POTEI: variants seen among roughly 807,000 people sequenced by gnomAD.
The protein encoded by POTEI is POTE ankyrin domain family member I.
POTEI carries 14 observed loss-of-function variants against 43.4 expected under a neutral mutation model. The ratio of observed to expected loss-of-function variants is 0.32; its 90% CI spans 0.21 to 0.50. POTEI has a LOEUF of 0.50. Among genes scored for constraint, POTEI ranks in the 20% least tolerant of loss-of-function variants. The pLI, the probability that POTEI is intolerant of heterozygous loss-of-function variation, is 0.98. For missense variants in POTEI, 235 were observed against 795.4 expected, an observed-to-expected ratio of 0.30 and a Z score of 8.47; for synonymous variants, 95 against 297.9, an observed-to-expected ratio of 0.32 and a Z score of 7.01.
chr2:130,507,476 C>T, intron 1 of POTEI, among the ~76,000 whole-genome samples: 1 of 72,888 alleles, frequency 1.4e-5, no homozygotes, highest in Non-Finnish European at 2.5e-5. Context: ...GTATGTTTCT[C>T]CTTTTGTATG....
intron 6 of POTEI, among the ~76,000 whole-genome samples, chr2:130,496,325 G>A (rs1369940558): frequency 1.1e-5 from 1 of 93,078 alleles, no homozygotes; most frequent in African/African-American, 2.7e-5. Flanking sequence ...AATGAGTTCA[G>A]AGCTTCCACG....
At chr2:130,479,709 A>G (rs62163595) in intron 10 of POTEI, among the ~76,000 whole-genome samples, 21,275 of 37,328 alleles carry the variant, frequency 0.57, 5,219 homozygotes, top group East Asian at 0.97. Context: ...CTGCTAACCC[A>G]TTTTACACCA....
chr2:130,459,992 TAAAC>T lies in POTEI; in HGVS notation c.*2820_*2823del, dbSNP rs1297577440. 3 of 147,812 alleles carry T rather than the reference TAAAC, an allele frequency of 2.0e-5. No individual in the cohort carries two copies. Among genetic ancestry groups the T allele is most frequent in the Non-Finnish European group, 4.4e-5 (3 of 67,992 alleles). 9.2% of individuals were successfully genotyped at this position (147,812 alleles called of 1,614,324 possible). On this transcript the variant is annotated 3_prime_UTR_variant, in exon 15 of 15. Transcript: ENST00000451531. ...GCAAGTAAAGCAAAACCCACCCGTG[TAAAC>T]ACACACAGCAAAGTGATTTAGGAAG...
intron 1 of POTEI, among the ~76,000 whole-genome samples, chr2:130,505,034 G>C (rs1164469825): frequency 6.9e-6 from 1 of 145,614 alleles, no homozygotes; most frequent in Non-Finnish European, 1.5e-5. Context: ...CCCAGTACCT[G>C]TTCATTCTAT....
In POTEI at chr2:130,496,641, T is replaced by C. The variant is rs1185804284; in HGVS notation, c.1056-19A>G. The C allele has an allele frequency of 7.5e-7, 1 of 1,340,046 alleles. No homozygotes were observed. The highest frequency in any genetic ancestry group is 1.5e-5 in the African/African-American group (1 of 68,714). The allele number at this position is 1,340,046 out of a possible 1,614,324, so 83.0% of individuals were successfully genotyped here. On this transcript the variant is annotated intron_variant, in intron 5 of 14. Transcript: ENST00000451531. ...GCAAATTCTATGTATAAAAATGTAA[T>C]AAACCAAATTACTATTTTAATACTG... is the stretch of plus-strand genomic sequence containing the variant.
At position 130,472,478 on chromosome 2, in the gene POTEI, G is replaced by A. The variant is rs1276699703; in HGVS notation, c.1778+1900C>T. 2.6e-4 allele frequency among the ~76,000 whole-genome samples: 2 copies of A among 7,566 alleles called. 1 individual carries two copies. Among genetic ancestry groups the A allele is most frequent in the African/African-American group, 2.9e-4 (2 of 6,942 alleles). The allele number at this position is 7,566 out of a possible 152,430, so 5.0% of individuals were successfully genotyped here. ...GAAATGTCAGACCAAGGTTTTTAAA[G>A]GCCCTTTGAACATTTCTAGATTACA... On this transcript the variant is annotated intron_variant, in intron 13 of 14. Transcript: ENST00000451531.
Position 130,504,964 on chromosome 2 carries a change from T to C in POTEI, c.522-1070A>G, listed in dbSNP as rs1342176267. Among the ~76,000 whole-genome samples the C allele has an allele frequency of 1.2e-3, 127 of 103,886 alleles. 2 individuals are homozygous for C. Among genetic ancestry groups the C allele is most frequent in the African/African-American group, 3.8e-3 (113 of 29,636 alleles). 68.2% of individuals were successfully genotyped at this position (103,886 alleles called of 152,430 possible). ...GTGCTGGATGTGCAGGTTTGTTACA[T>C]AGGTAAATGTGCACCAAGGGTGTTG... is the stretch of plus-strand genomic sequence containing the variant. On this transcript the variant is annotated intron_variant, in intron 1 of 14. Transcript: ENST00000451531.
At chr2:130,477,623 C>T (rs62163592) in intron 10 of POTEI, among the ~76,000 whole-genome samples, 4,480 of 98,338 alleles carry the variant, frequency 0.046, no homozygotes, top group East Asian at 0.069. Context: ...TCCAAGACTG[C>T]AGGGGAGAGT....
intron 13 of POTEI, among the ~76,000 whole-genome samples, chr2:130,467,760 C>T (rs1299628552): frequency 1.3e-5 from 2 of 151,770 alleles, no homozygotes; most frequent in Admixed American, 1.3e-4. Context: ...TCAAACAAAT[C>T]AACAGGAAAA....
chr2:130,501,766 AT>A (rs1446113078), intron 3 of POTEI, among the ~76,000 whole-genome samples: 6 of 3,138 alleles, frequency 1.9e-3, no homozygotes, highest in African/African-American at 2.3e-3. Flanking sequence ...AATAAAAAAA[AT>A]AAAATAAAAT....
At chr2:130,491,631 C>T (rs1683738012) in intron 6 of POTEI, among the ~76,000 whole-genome samples, 1 of 13,940 alleles carries the variant, frequency 7.2e-5, no homozygotes, top group Non-Finnish European at 1.7e-4. Flanking sequence ...CTCCACGATT[C>T]AGACATATTT....
Position 130,463,691 on chromosome 2 carries a change from T to C in POTEI, c.2353A>G (p.Ile785Val). The change falls in exon 15 of 15, where the codon ATC (isoleucine) becomes GTC (valine). Residue 785 changes from isoleucine to valine, a missense_variant. Transcript: ENST00000451531. ...IITNWDDMEK[I>V]WHHTFYNELR... is the part of the protein sequence containing the mutation. ...TCGTTGTAGAAGGTGTGGTGCCAGA[T>C]CTTCTCCATGTCATCCCAGTTGGTG... 1.2e-6 allele frequency: 2 copies of C among 1,603,502 alleles called. No individual in the cohort carries two copies. Among genetic ancestry groups the C allele is most frequent in the South Asian group, 2.2e-5 (2 of 90,372 alleles).
intron 10 of POTEI, among the ~76,000 whole-genome samples, chr2:130,477,513 AC>A (rs1683242797): frequency 6.6e-6 from 1 of 150,550 alleles, no homozygotes; most frequent in Admixed American, 6.6e-5. Flanking sequence ...ATAAACAGGT[AC>A]CTCCTTCCTT....
At position 130,467,709 on chromosome 2, in the gene POTEI, T is replaced by C. The variant is rs369610236; in HGVS notation, c.1779-1937A>G. The stretch of plus-strand genomic sequence containing the variant: ...TACAATGGGAAAATTTTGAAAATTA[T>C]GACGCTAACAAACGACTAATATCTA... On this transcript the variant is annotated intron_variant, in intron 13 of 14. Coordinates refer to ENST00000451531, the MANE Select transcript of POTEI (RefSeq NM_001277406.2). Among the ~76,000 whole-genome samples, 10 of 152,234 alleles carry C rather than the reference T, an allele frequency of 6.6e-5. No individual in the cohort carries two copies. The East Asian group carries it at 1.3e-3, about 21-fold the overall frequency.
In POTEI at chr2:130,462,609, G is replaced by A. The variant is rs1682679641; in HGVS notation, c.*207C>T. On this transcript the variant is annotated 3_prime_UTR_variant, in exon 15 of 15. Coordinates refer to ENST00000451531, the MANE Select transcript of POTEI (RefSeq NM_001277406.2). ...GAACAATGTACAATCAAAGTCCTTG[G>A]CCACATTGTAGAACTTTGGAGGAAG... The A allele has an allele frequency of 3.2e-6, 1 of 310,712 alleles. No individual in the cohort carries two copies. The highest frequency in any genetic ancestry group is 2.4e-5 in the African/African-American group (1 of 41,520). The allele number at this position is 310,712 out of a possible 1,614,324, so 19.2% of individuals were successfully genotyped here.
At chr2:130,477,952 C>A (rs1420825917) in intron 10 of POTEI, among the ~76,000 whole-genome samples, 2 of 96,674 alleles carry the variant, frequency 2.1e-5, no homozygotes, top group Non-Finnish European at 3.9e-5. Flanking sequence ...ATGCCAGAGA[C>A]AGTGCACACA....
chr2:130,466,401 T>C (rs2579441), intron 13 of POTEI, among the ~76,000 whole-genome samples: 2 of 142,158 alleles, frequency 1.4e-5, no homozygotes, highest in African/African-American at 2.6e-5. Flanking sequence ...AGGCCAGGGA[T>C]TGCTAATGGT....
At chr2:130,468,708 G>C (rs1239044339) in intron 13 of POTEI, among the ~76,000 whole-genome samples, 2 of 150,932 alleles carry the variant, frequency 1.3e-5, no homozygotes, top group South Asian at 2.1e-4. Flanking sequence ...ACTATTGGGG[G>C]GGGGGGTATC....
At chr2:130,507,273 GATATATATATAT>G (rs1236673775) in intron 1 of POTEI, among the ~76,000 whole-genome samples, 1 of 4,456 alleles carries the variant, frequency 2.2e-4, no homozygotes, top group African/African-American at 6.2e-4. Context: ...AAAAAAAAAG[GATATATATATAT>G]ATATATATAT....
Sources: gnomAD v4.1 joint callset for allele counts (sites outside exome capture counted in the v4.1 genomes callset) on GRCh38, gnomAD v4.1.1 for gene constraint, MANE v1.5 for transcripts, NCBI Gene and HGNC (gene_info 2026-07-23, HGNC 2026-07-21) for gene names.